The following KAZN variants were observed in gnomAD, a reference collection of about 807,000 sequenced individuals.
KAZN encodes the protein kazrin, periplakin interacting protein, also known as kazrin.
KAZN carries 40 observed loss-of-function variants against 87.4 expected under a neutral mutation model. The ratio of observed to expected loss-of-function variants is 0.46; its 90% CI spans 0.36 to 0.60. The LOEUF is 0.60. Ranked by LOEUF, KAZN falls within the 20% of genes least tolerant of loss-of-function variation. The pLI, the probability that KAZN is intolerant of heterozygous loss-of-function variation, is 0.00. For synonymous variants in KAZN, 466 were observed against 458.3 expected (o/e 1.02, Z -0.22); for missense variants, 898 against 1,073.9 (o/e 0.84, Z 2.29).
At chr1:14,784,816 G>A (rs1256595568) in intron 1 of KAZN, among the ~76,000 whole-genome samples, 1 of 152,120 alleles carries the variant, frequency 6.6e-6, no homozygotes, top group Non-Finnish European at 1.5e-5. Flanking sequence ...ATTAACAAAG[G>A]GTGATTCTGG....
At chr1:14,212,365 T>C (rs951454500) in intron 2 of KAZN, among the ~76,000 whole-genome samples, 1 of 152,074 alleles carries the variant, frequency 6.6e-6, no homozygotes, top group Admixed American at 6.6e-5. Flanking sequence ...AGAGAAATTA[T>C]GCTAAGTGAT....
chr1:14,897,749 A>T (rs1216694470), intron 1 of KAZN, among the ~76,000 whole-genome samples: 1 of 152,172 alleles, frequency 6.6e-6, no homozygotes, highest in South Asian at 2.1e-4. Flanking sequence ...GTGATATGTT[A>T]TCTTGGTTTG....
At position 13,949,145 on chromosome 1, in the gene KAZN, C is replaced by A. The variant is rs1448824761; in HGVS notation, c.91+55389C>A. On this transcript the variant is annotated intron_variant, in intron 1 of 16. Coordinates refer to the KAZN transcript ENST00000636203. Reference sequence around the variant, plus strand: ...AACATCATTTCCCCTCTCCTCTGTACCCAGAGGGAGCAGCTGTCCCAGAAA... The same window carrying A: ...AACATCATTTCCCCTCTCCTCTGTAACCAGAGGGAGCAGCTGTCCCAGAAA... Among the ~76,000 whole-genome samples, 3 of 152,214 alleles carry A rather than the reference C, an allele frequency of 2.0e-5. No individual in the cohort carries two copies. In the East Asian group the frequency reaches 5.8e-4, roughly 29 times the overall value.
At chr1:15,014,145 A>C (rs1310008468) in intron 2 of KAZN, among the ~76,000 whole-genome samples, 1 of 152,092 alleles carries the variant, frequency 6.6e-6, no homozygotes, top group Non-Finnish European at 1.5e-5. Flanking sequence ...CTTCTGAATG[A>C]GTCTCGAATC....
At chr1:14,624,219 G>A (rs373396964) in intron 1 of KAZN, among the ~76,000 whole-genome samples, 2 of 152,112 alleles carry the variant, frequency 1.3e-5, no homozygotes, top group African/African-American at 2.4e-5. Context: ...TCAGGAGATC[G>A]AGACCGTCCT....
chr1:14,716,164 T>C (rs901936222), intron 1 of KAZN, among the ~76,000 whole-genome samples: 1 of 152,202 alleles, frequency 6.6e-6, no homozygotes, highest in Admixed American at 6.5e-5. Context: ...TGTGTATGTA[T>C]GTACACGTGT....
chr1:14,758,603 A>T (rs10803314), intron 1 of KAZN, among the ~76,000 whole-genome samples: 2 of 152,010 alleles, frequency 1.3e-5, no homozygotes, highest in African/African-American at 4.8e-5. Context: ...ATGAGCCACC[A>T]CAATGCCCTC....
intron 1 of KAZN, among the ~76,000 whole-genome samples, chr1:14,042,803 A>G (rs1481169539): frequency 2.0e-5 from 3 of 152,192 alleles, no homozygotes; most frequent in African/African-American, 7.2e-5. Context: ...TCATCTTTCC[A>G]AAACTTTTGC....
At chr1:14,682,860 A>C (rs1034383483) in intron 1 of KAZN, among the ~76,000 whole-genome samples, 1 of 152,204 alleles carries the variant, frequency 6.6e-6, no homozygotes, top group African/African-American at 2.4e-5. Flanking sequence ...AGAGATGGAC[A>C]CATACAGGAT....
intron 8 of KAZN, among the ~76,000 whole-genome samples, chr1:15,073,419 G>A (rs751039511): frequency 3.3e-5 from 5 of 152,162 alleles, no homozygotes; most frequent in Non-Finnish European, 7.4e-5. Flanking sequence ...GTGGGTTGGA[G>A]GGCAGACTCG....
chr1:14,612,459 A>G (rs1448904027), intron 1 of KAZN, among the ~76,000 whole-genome samples: 2 of 152,226 alleles, frequency 1.3e-5, no homozygotes, highest in Non-Finnish European at 2.9e-5. Flanking sequence ...GGTCACTTCT[A>G]TCTTCCAGAT....
At chr1:14,171,836 G>A (rs1317169630) in intron 1 of KAZN, among the ~76,000 whole-genome samples, 1 of 152,052 alleles carries the variant, frequency 6.6e-6, no homozygotes, top group Non-Finnish European at 1.5e-5. Flanking sequence ...ATTATTTCAT[G>A]GGCTATACTT....
At chr1:14,407,220 T>G (rs1041852741) in intron 2 of KAZN, among the ~76,000 whole-genome samples, 2 of 152,222 alleles carry the variant, frequency 1.3e-5, no homozygotes, top group Admixed American at 1.3e-4. Flanking sequence ...CTCTTGTCCA[T>G]GGCAGAGGGC....
intron 2 of KAZN, among the ~76,000 whole-genome samples, chr1:14,253,737 C>T (rs557237208): frequency 9.2e-5 from 14 of 152,002 alleles, no homozygotes; most frequent in Middle Eastern, 6.3e-3. Flanking sequence ...TTTATTCTCC[C>T]CTCTGCAGAC....
intron 2 of KAZN, among the ~76,000 whole-genome samples, chr1:14,371,228 A>T (rs566202797): frequency 6.6e-6 from 1 of 152,310 alleles, no homozygotes; most frequent in African/African-American, 2.4e-5. Context: ...GGGGATGCTG[A>T]TGCTGCTGGT....
intron 1 of KAZN, among the ~76,000 whole-genome samples, chr1:13,948,067 T>C (rs146234078): frequency 6.6e-6 from 1 of 152,328 alleles, no homozygotes; most frequent in African/African-American, 2.4e-5. Flanking sequence ...AGATCCTTAA[T>C]GGCAAAGACT....
At chr1:14,025,287 C>T (rs575471316) in intron 1 of KAZN, among the ~76,000 whole-genome samples, 8 of 152,326 alleles carry the variant, frequency 5.3e-5, no homozygotes, top group Admixed American at 1.3e-4. Flanking sequence ...GAGCTACAAT[C>T]TATGAGGCAG....
intron 2 of KAZN, among the ~76,000 whole-genome samples, chr1:15,017,863 C>T (rs1418134317): frequency 6.6e-6 from 1 of 152,098 alleles, no homozygotes; most frequent in African/African-American, 2.4e-5. Context: ...ATAAACCATT[C>T]TCATAAGCCT....
chr1:14,580,146 A>T (rs1675451273), intron 2 of KAZN, among the ~76,000 whole-genome samples: 1 of 152,322 alleles, frequency 6.6e-6, no homozygotes, highest in South Asian at 2.1e-4. Context: ...TGTTGCAGTC[A>T]GCTTAGGTTT....
Sources: gnomAD v4.1 joint callset for allele counts (sites outside exome capture counted in the v4.1 genomes callset) on GRCh38, gnomAD v4.1.1 for gene constraint, MANE v1.5 for transcripts, NCBI Gene and HGNC (gene_info 2026-07-23, HGNC 2026-07-21) for gene names.